The following STK35 variants were observed in gnomAD, a reference collection of about 807,000 sequenced individuals.
STK35 encodes the protein serine/threonine-protein kinase 35.
STK35 carries 17 observed loss-of-function variants against 37.3 expected under a neutral mutation model. The observed-to-expected ratio is 0.46, with a 90% CI of 0.31 to 0.68. The LOEUF (loss-of-function observed/expected upper bound fraction) is 0.68, where lower values mean the gene tolerates loss of function less well. Ranked by LOEUF, STK35 falls within the 30% of genes least tolerant of loss-of-function variation. STK35 has a pLI of 0.05. For synonymous variants in STK35, 385 were observed against 319.1 expected, an observed-to-expected ratio of 1.21 and a Z score of -2.20; for missense variants, 595 against 746.7, an observed-to-expected ratio of 0.80 and a Z score of 2.37.
At chr20:2,113,064 TG>T (rs1331036021) in intron 2 of STK35, among the ~76,000 whole-genome samples, 2 of 152,232 alleles carry the variant, frequency 1.3e-5, no homozygotes, top group African/African-American at 4.8e-5. Context: ...CCATCAGTCC[TG>T]TTCTGACTGG....
intron 2 of STK35, among the ~76,000 whole-genome samples, chr20:2,104,059 C>G (rs780481623): frequency 6.6e-6 from 1 of 152,210 alleles, no homozygotes; most frequent in Non-Finnish European, 1.5e-5. Flanking sequence ...TTCTTAACCT[C>G]AGAGGCTGGC....
At chr20:2,142,952 C>G (rs1000081791) in intron 3 of STK35, among the ~76,000 whole-genome samples, 1 of 152,222 alleles carries the variant, frequency 6.6e-6, no homozygotes, top group Non-Finnish European at 1.5e-5. Context: ...GGCTTCTTGT[C>G]TTATTCCTGA....
chr20:2,140,277 G>A (rs1174304008), intron 3 of STK35, among the ~76,000 whole-genome samples: 1 of 152,176 alleles, frequency 6.6e-6, no homozygotes, highest in African/African-American at 2.4e-5. Context: ...AAGAGCCCCG[G>A]TAGAAGCTGG....
intron 2 of STK35, 124 bp downstream of exon 2, chr20:2,103,489 G>T: frequency 2.3e-6 from 2 of 887,214 alleles, no homozygotes; most frequent in South Asian, 3.6e-5. Context: ...CCTGTGCCCT[G>T]ACACACCCTC....
intron 3 of STK35, among the ~76,000 whole-genome samples, chr20:2,122,037 A>G (rs188124209): frequency 3.8e-4 from 58 of 152,352 alleles, no homozygotes; most frequent in Middle Eastern, 3.4e-3. Flanking sequence ...TTGTACTATT[A>G]AAAATTAAAA....
chr20:2,142,563 C>G (rs1174287308), intron 3 of STK35, among the ~76,000 whole-genome samples: 1 of 152,176 alleles, frequency 6.6e-6, no homozygotes, highest in Non-Finnish European at 1.5e-5. Flanking sequence ...CAAGACCAGC[C>G]TGGACAACAT....
Position 2,133,934 on chromosome 20 carries a change from T to C in STK35, c.*38-9850T>C, listed in dbSNP as rs1447435219. ...TCGGCTTTAAGCTTTGTTCAGACCC[T>C]TTCCCTCAGTAAGTCATACCCTGCT... On this transcript the variant is annotated intron_variant, in intron 3 of 3. Transcript: ENST00000381482. Among the ~76,000 whole-genome samples, 3 of 152,188 alleles carry C rather than the reference T, an allele frequency of 2.0e-5. No individual in the cohort carries two copies. In the East Asian group the frequency reaches 5.8e-4, roughly 29 times the overall value.
At chr20:2,139,325 C>G (rs1036550749) in intron 3 of STK35, among the ~76,000 whole-genome samples, 13 of 152,194 alleles carry the variant, frequency 8.5e-5, no homozygotes, top group African/African-American at 2.9e-4. Context: ...GCTGGAAGAC[C>G]GTTCACTGCC....
At position 2,145,170 on chromosome 20, in the gene STK35, C is replaced by G. The variant is rs1473351697; in HGVS notation, c.*1424C>G. 6.6e-6 allele frequency: 1 copy of G among 152,428 alleles called. No homozygotes were observed. Among genetic ancestry groups the G allele is most frequent in the African/African-American group, 2.4e-5 (1 of 41,436 alleles). The allele number at this position is 152,428 out of a possible 1,614,324, so 9.4% of individuals were successfully genotyped here. A position where few individuals can be genotyped will look rare whatever the true frequency, so the allele number is the denominator to read the frequency against. ...CTCCCTAGGGGAAGCTTCCCTCCCC[C>G]TGGGCTGCTGCTCTGAGCCCATCTG... On this transcript the variant is annotated 3_prime_UTR_variant, in exon 4 of 4. Transcript: ENST00000381482.
intron 2 of STK35, 92 bp downstream of exon 2, chr20:2,103,457 C>T: frequency 1.6e-6 from 2 of 1,253,054 alleles, no homozygotes; most frequent in Non-Finnish European, 1.1e-6. Context: ...CCTTCCTAGG[C>T]CTCAGACCTG....
At chr20:2,141,187 C>T (rs1358618213) in intron 3 of STK35, among the ~76,000 whole-genome samples, 2 of 152,188 alleles carry the variant, frequency 1.3e-5, no homozygotes, top group Non-Finnish European at 2.9e-5. Flanking sequence ...AAGCAATAGG[C>T]ATGCTAAATA....
chr20:2,103,656 C>T (rs1027759195), intron 2 of STK35, among the ~76,000 whole-genome samples: 1 of 152,192 alleles, frequency 6.6e-6, no homozygotes, highest in African/African-American at 2.4e-5. Flanking sequence ...TATTAAACGT[C>T]TTCTATTTTT....
chr20:2,124,248 T>C (rs1568578058), intron 3 of STK35, among the ~76,000 whole-genome samples: 1 of 152,200 alleles, frequency 6.6e-6, no homozygotes, highest in Non-Finnish European at 1.5e-5. Context: ...GAGGAGCTAG[T>C]TCCTCTCCTA....
At chr20:2,111,866 C>T (rs961183879) in intron 2 of STK35, among the ~76,000 whole-genome samples, 1 of 152,168 alleles carries the variant, frequency 6.6e-6, no homozygotes, top group Non-Finnish European at 1.5e-5. Context: ...TGCTCCTGTG[C>T]CCACTCCCCT....
Position 2,117,317 on chromosome 20 carries a change from A to T in STK35, c.1544A>T (p.Gln515Leu). ...LLKDMLAANP[Q>L]DRPDAFELET... ...AAAGATATGTTAGCTGCTAACCCAC[A>T]GGACCGGCCTGATGCCTTTGAACTT... The change falls in exon 3 of 4, where the codon CAG (glutamine) becomes CTG (leucine). Residue 515 changes from glutamine to leucine, a missense_variant. This residue lies in a region of STK35 where 109 missense variants were observed against 280.3 expected (regional missense o/e 0.39). Coordinates refer to ENST00000381482, the MANE Select transcript of STK35 (RefSeq NM_080836.4). This position sits in a 1 kb window ranked among gnomAD's most constrained non-coding sequence, Gnocchi z 4.4. The T allele has an allele frequency of 6.2e-7, 1 of 1,614,140 alleles. No homozygotes were observed. Among genetic ancestry groups the T allele is most frequent in the Non-Finnish European group, 8.5e-7 (1 of 1,179,960 alleles).
At chr20:2,136,520 C>A (rs193202787) in intron 3 of STK35, among the ~76,000 whole-genome samples, 1 of 152,198 alleles carries the variant, frequency 6.6e-6, no homozygotes, top group Admixed American at 6.5e-5. Flanking sequence ...CCTGGCTTGC[C>A]GGGATTTTCA....
chr20:2,138,643 A>T (rs1380790600), intron 3 of STK35, among the ~76,000 whole-genome samples: 1 of 152,196 alleles, frequency 6.6e-6, no homozygotes, highest in Non-Finnish European at 1.5e-5. Flanking sequence ...GTGCAATTTT[A>T]AAAACTGGGG....
intron 2 of STK35, among the ~76,000 whole-genome samples, chr20:2,116,180 C>T (rs991555062): frequency 2.0e-5 from 3 of 152,080 alleles, no homozygotes; most frequent in Non-Finnish European, 2.9e-5. Flanking sequence ...AGGAGTGTGC[C>T]TCTGAAATAA....
At chr20:2,131,419 G>A (rs750715161) in intron 3 of STK35, among the ~76,000 whole-genome samples, 6 of 152,100 alleles carry the variant, frequency 3.9e-5, no homozygotes, top group Non-Finnish European at 5.9e-5. Context: ...TTTGAGACCA[G>A]CCTGGGCCAC....
Sources: gnomAD v4.1 joint callset for allele counts (sites outside exome capture counted in the v4.1 genomes callset) on GRCh38, gnomAD v4.1.1 for gene constraint, gnomAD v4.1.1 regional missense constraint, Gnocchi (gnomAD v3.1) non-coding constraint, MANE v1.5 for transcripts, NCBI Gene and HGNC (gene_info 2026-07-23, HGNC 2026-07-21) for gene names.